KCTD14: variants seen among roughly 807,000 people sequenced by gnomAD.
KCTD14 encodes the protein BTB/POZ domain-containing protein KCTD14.
In KCTD14, 7 loss-of-function variants were observed where a neutral mutation model predicts 5.9. The observed-to-expected ratio is 1.19, with a 90% CI of 0.68 to 2.23. The LOEUF is 2.23. Ranked by LOEUF, KCTD14 falls within the 30% of genes most tolerant of loss-of-function variation. KCTD14 has a pLI of 0.00. For missense variants in KCTD14, 342 were observed against 332.2 expected, an observed-to-expected ratio of 1.03 and a Z score of -0.23; for synonymous variants, 140 against 133.1, an observed-to-expected ratio of 1.05 and a Z score of -0.36.
At chr11:78,033,693 A>C (rs1857696661) in intron 2 of KCTD14, among the ~76,000 whole-genome samples, 4 of 151,506 alleles carry the variant, frequency 2.6e-5, no homozygotes, top group African/African-American at 7.3e-5. Context: ...AAAAAAAAAA[A>C]AAAAATTAGC....
At chr11:78,030,367 G>A (rs942706410) in intron 2 of KCTD14, among the ~76,000 whole-genome samples, 1 of 152,122 alleles carries the variant, frequency 6.6e-6, no homozygotes, top group African/African-American at 2.4e-5. Flanking sequence ...GAGAGAGCAG[G>A]GCTCTAGTTT....
At chr11:78,026,521 G>A (rs1857470646), upstream of KCTD14, among the ~76,000 whole-genome samples, 1 of 152,164 alleles carries the variant, frequency 6.6e-6, no homozygotes, top group Non-Finnish European at 1.5e-5. Context: ...CCAAGGGAGT[G>A]GATCTGGGAG....
chr11:78,046,073 C>G, exon 1 of KCTD14: 3 of 984,430 alleles, frequency 3.0e-6, no homozygotes, highest in Non-Finnish European at 3.6e-6. Flanking sequence ...GACAGTAAAC[C>G]GGGGAGGACT....
intron 1 of KCTD14, chr11:78,022,924 G>A: frequency 1.9e-6 from 1 of 533,388 alleles, no homozygotes. Flanking sequence ...AAGAGGAAAG[G>A]CTGGACAGAG....
At chr11:78,025,114 G>GTATATATA (rs1311073204), upstream of KCTD14, among the ~76,000 whole-genome samples, 15 of 66,838 alleles carry the variant, frequency 2.2e-4, no homozygotes, top group South Asian at 5.2e-4. Context: ...GTGTGTGTGT[G>GTATATATA]TGTGTATATA....
chr11:78,032,000 C>G (rs532549397), intron 2 of KCTD14, among the ~76,000 whole-genome samples: 1 of 152,292 alleles, frequency 6.6e-6, no homozygotes, highest in Admixed American at 6.5e-5. Context: ...TGGGAAGTCC[C>G]CCACTCCACC....
rs575626376 is a variant in KCTD14 at position 78,038,310 on chromosome 11, G to T, written c.-1+354C>A. On this transcript the variant is annotated intron_variant, in intron 2 of 2. Coordinates refer to the KCTD14 transcript ENST00000533144. ...TTCCCTGGTCCAGTTCGAGTGAGAG[G>T]TTCTCGCATCCTCTCCCTATTCTTA... Among the ~76,000 whole-genome samples, 3 of 152,268 alleles carry T rather than the reference G, an allele frequency of 2.0e-5. No homozygotes were observed. In the South Asian group the frequency reaches 6.2e-4, roughly 32 times the overall value.
At chr11:78,038,364 A>T (rs1466720454) in intron 2 of KCTD14, among the ~76,000 whole-genome samples, 1 of 152,150 alleles carries the variant, frequency 6.6e-6, no homozygotes, top group African/African-American at 2.4e-5. Flanking sequence ...GGCCATGCTG[A>T]TGGCCTCTGG....
chr11:78,045,903 C>A (rs955504214), intron 1 of KCTD14, among the ~76,000 whole-genome samples: 14 of 152,148 alleles, frequency 9.2e-5, no homozygotes, highest in African/African-American at 3.4e-4. Flanking sequence ...GAGTCCGAGG[C>A]AGCCTGTGTA....
chr11:78,016,859 C>T lies in KCTD14; in HGVS notation c.502G>A (p.Val168Met), dbSNP rs749788519. The T allele has an allele frequency of 5.5e-5, 88 of 1,614,102 alleles. No homozygotes were observed. The East Asian group carries it at 1.0e-3, about 19-fold the overall frequency. Reference sequence around the variant, plus strand: ...TCAGTTTCCACCAGGCACACAAGCACGCTGGACTTCCGTGCTGTTATGGCT... The same window carrying T: ...TCAGTTTCCACCAGGCACACAAGCATGCTGGACTTCCGTGCTGTTATGGCT... The part of the protein sequence containing the change: ...AEAITARKSS[V>M]LVCLVETEEQ... Residue 168 changes from valine (V) to methionine (M), a missense_variant, in exon 2 of 2, where the codon GTG becomes ATG. Coordinates refer to ENST00000353172, the MANE Select transcript of KCTD14 (RefSeq NM_023930.4).
chr11:78,043,442 C>A (rs1858048335), intron 1 of KCTD14, among the ~76,000 whole-genome samples: 1 of 152,190 alleles, frequency 6.6e-6, no homozygotes. Flanking sequence ...TGCACCCAGC[C>A]TGTGTGTGCT....
At chr11:78,024,558 G>C (rs958976533), upstream of KCTD14, among the ~76,000 whole-genome samples, 2 of 151,708 alleles carry the variant, frequency 1.3e-5, no homozygotes, top group Non-Finnish European at 2.9e-5. Flanking sequence ...TTAGTTGGCT[G>C]CTTGTGGTTG....
At chr11:78,030,540 C>G (rs1463178704) in intron 2 of KCTD14, among the ~76,000 whole-genome samples, 1 of 152,218 alleles carries the variant, frequency 6.6e-6, no homozygotes, top group Non-Finnish European at 1.5e-5. Context: ...TCAAACAGCC[C>G]CTTGCTATTG....
chr11:78,025,114 GTGTGTATATATATATATA>G (rs796901773), upstream of KCTD14, among the ~76,000 whole-genome samples: 300 of 66,836 alleles, frequency 4.5e-3, 2 homozygotes, highest in African/African-American at 0.022. Context: ...GTGTGTGTGT[GTGTGTATATATATATATA>G]TATATATATA....
At chr11:78,017,345 A>G in intron 1 of KCTD14, 75 bp from the exon 2 acceptor site, 1 of 1,486,724 alleles carries the variant, frequency 6.7e-7, no homozygotes, top group Non-Finnish European at 8.9e-7. Context: ...TCCAAAGGAT[A>G]ACTGGATAAA....
At position 78,029,423 on chromosome 11, in the gene KCTD14, A is replaced by G. The variant is rs537619093; in HGVS notation, c.-1+9241T>C. Among the ~76,000 whole-genome samples, 7 of 152,274 alleles carry G rather than the reference A, an allele frequency of 4.6e-5. 1 individual carries two copies. The South Asian group carries it at 1.2e-3, about 27-fold the overall frequency. On this transcript the variant is annotated intron_variant, in intron 2 of 2. Transcript: ENST00000533144. Reference sequence around the variant, plus strand: ...GTCACCTGACAGGATTTGCAGGGTAATTCCCCAGAACTAGTATATTGATCC... The same window carrying G: ...GTCACCTGACAGGATTTGCAGGGTAGTTCCCCAGAACTAGTATATTGATCC...
intron 1 of KCTD14, among the ~76,000 whole-genome samples, chr11:78,040,181 AC>A (rs1857949775): frequency 6.6e-6 from 1 of 152,212 alleles, no homozygotes; most frequent in Non-Finnish European, 1.5e-5. Flanking sequence ...GGAGCTGAGA[AC>A]CAAGCCAAGG....
Position 78,035,832 on chromosome 11 carries a change from G to A in KCTD14, c.-1+2832C>T, listed in dbSNP as rs1314766665. Among the ~76,000 whole-genome samples the A allele has an allele frequency of 6.3e-4, 68 of 107,238 alleles. 1 individual carries two copies. Among genetic ancestry groups the A allele is most frequent in the Non-Finnish European group, 3.0e-4 (17 of 56,576 alleles). 70.4% of individuals were successfully genotyped at this position (107,238 alleles called of 152,430 possible). ...CACACTCTAGCCTGGGCAACAGAGC[G>A]AGACTCCATCTCAAAAAAAAAAAAA... On this transcript the variant is annotated intron_variant, in intron 2 of 2. Coordinates refer to the KCTD14 transcript ENST00000533144.
At chr11:78,023,531 C>A, upstream of KCTD14, 1 of 373,994 alleles carries the variant, frequency 2.7e-6, no homozygotes, top group South Asian at 2.9e-5. Flanking sequence ...TTTTTTTTTT[C>A]AGAGACAGGG....
Sources: allele counts gnomAD v4.1 joint callset (sites outside exome capture counted in the v4.1 genomes callset), GRCh38; gene constraint gnomAD v4.1.1; transcripts MANE v1.5; gene names NCBI Gene and HGNC (gene_info 2026-07-23, HGNC 2026-07-21).